Variants in PRKN observed in about 807,000 individuals in gnomAD.
The protein encoded by PRKN is E3 ubiquitin-protein ligase parkin.
Under a neutral mutation model 59.5 loss-of-function variants are expected in PRKN, and 56 were observed. That is an observed-to-expected ratio of 0.94 (90% confidence interval 0.76 to 1.18). The LOEUF (loss-of-function observed/expected upper bound fraction) is 1.18, where lower values mean the gene tolerates loss of function less well. PRKN is among the 50% of genes most tolerant of loss of function. The pLI is 0.00. For synonymous variants in PRKN, 250 were observed against 222.1 expected (o/e 1.13, Z -1.12); for missense variants, 657 against 596.4 (o/e 1.10, Z -1.06).
chr6:162,248,475 AGGCCTGGGGTT>A (rs1779291117), intron 3 of PRKN, among the ~76,000 whole-genome samples: 6 of 152,136 alleles, frequency 3.9e-5, no homozygotes, highest in African/African-American at 1.2e-4. Context: ...TATAAACCAC[AGGCCTGGGGTT>A]GTATCTTCAG....
chr6:161,897,793 C>G (rs978508642), intron 6 of PRKN, among the ~76,000 whole-genome samples: 2 of 141,552 alleles, frequency 1.4e-5, no homozygotes, highest in African/African-American at 2.9e-5. Context: ...CAAGGTGAAA[C>G]CCCGTCTCTA....
intron 5 of PRKN, among the ~76,000 whole-genome samples, chr6:162,021,546 T>G (rs953814679): frequency 2.0e-5 from 3 of 151,306 alleles, no homozygotes; most frequent in Non-Finnish European, 4.4e-5. Flanking sequence ...CCTTCCTCCG[T>G]GACTAAAATA....
intron 1 of PRKN, among the ~76,000 whole-genome samples, chr6:162,651,009 G>T (rs1258098233): frequency 1.3e-5 from 2 of 152,132 alleles, no homozygotes; most frequent in African/African-American, 4.8e-5. Flanking sequence ...GGAGAGGAAA[G>T]ATAAGAAACA....
chr6:162,555,445 G>T (rs975353640), intron 1 of PRKN, among the ~76,000 whole-genome samples: 1 of 152,026 alleles, frequency 6.6e-6, no homozygotes, highest in African/African-American at 2.4e-5. Context: ...AATCCATTGG[G>T]TAAAGAAAAA....
intron 6 of PRKN, among the ~76,000 whole-genome samples, chr6:161,871,050 G>A (rs879448484): frequency 3.4e-4 from 51 of 150,738 alleles, no homozygotes; most frequent in Non-Finnish European, 4.9e-4. Flanking sequence ...GGAGGAGGAT[G>A]AGGAGAGAGA....
At chr6:162,583,632 T>C (rs1780878647) in intron 1 of PRKN, among the ~76,000 whole-genome samples, 1 of 152,224 alleles carries the variant, frequency 6.6e-6, no homozygotes, top group South Asian at 2.1e-4. Flanking sequence ...AGCATCTCTC[T>C]GTTTATGCTT....
intron 2 of PRKN, among the ~76,000 whole-genome samples, chr6:162,378,038 C>A (rs893432941): frequency 1.6e-4 from 25 of 152,146 alleles, no homozygotes; most frequent in African/African-American, 6.0e-4. Context: ...CATTCCCTTT[C>A]TCGTCGGGAT....
intron 4 of PRKN, among the ~76,000 whole-genome samples, chr6:162,099,911 C>T (rs1779895380): frequency 1.3e-5 from 2 of 152,214 alleles, no homozygotes; most frequent in African/African-American, 4.8e-5. Context: ...CTGTGACCAA[C>T]ACCTCCCCGC....
rs188971225 is a variant in PRKN at position 162,363,115 on chromosome 6, G to A, written c.171+80195C>T. ...TGCACTCCAGCCTGGGTGACAGAGC[G>A]AGACTCCTTCTCAAACAAAAAAAAA... is the stretch of plus-strand genomic sequence containing the variant. On this transcript the variant is annotated intron_variant, in intron 2 of 11. Coordinates refer to ENST00000366898, the MANE Select transcript of PRKN (RefSeq NM_004562.3). 3.8e-3 allele frequency among the ~76,000 whole-genome samples: 501 copies of A among 133,084 alleles called. 4 individuals are homozygous for A. The highest frequency in any genetic ancestry group is 0.013 in the African/African-American group (461 of 35,062). The allele number at this position is 133,084 out of a possible 152,430, so 87.3% of individuals were successfully genotyped here.
At position 161,360,795 on chromosome 6, in the gene PRKN, G is replaced by C. The variant is rs1018714285; in HGVS notation, c.1168-590C>G. On this transcript the variant is annotated intron_variant, in intron 10 of 11. Coordinates refer to ENST00000366898, the MANE Select transcript of PRKN (RefSeq NM_004562.3). This position sits in a 1 kb window ranked among gnomAD's most constrained non-coding sequence, Gnocchi z 5.1. ...TGTGCCAGAGAGGGCAGTGGGAGCTGTGAGTGAAGACTGTGGCCCTGGAAC... is the reference window on the plus strand; with the variant it reads ...TGTGCCAGAGAGGGCAGTGGGAGCTCTGAGTGAAGACTGTGGCCCTGGAAC... Among the ~76,000 whole-genome samples, 13 of 152,210 alleles carry C rather than the reference G, an allele frequency of 8.5e-5. No individual in the cohort carries two copies.
chr6:161,704,025 T>C (rs1184933447), intron 7 of PRKN, among the ~76,000 whole-genome samples: 1 of 151,804 alleles, frequency 6.6e-6, no homozygotes, highest in Non-Finnish European at 1.5e-5. Flanking sequence ...CTGGCTAATT[T>C]TTGTGTTTTT....
At position 161,459,364 on chromosome 6, in the gene PRKN, T is replaced by A. The variant is rs1168618746; in HGVS notation, c.1084-72487A>T. On this transcript the variant is annotated intron_variant, in intron 9 of 11. Transcript: ENST00000366898. This position sits in a 1 kb window ranked among gnomAD's most constrained non-coding sequence, Gnocchi z 4.8. Reference sequence around the variant, plus strand: ...ATTAATTCCAGAATATGGTGTGAATTAAGTAATTCATTTGGTTTTAGTTTA... The same window carrying A: ...ATTAATTCCAGAATATGGTGTGAATAAAGTAATTCATTTGGTTTTAGTTTA... 6.6e-6 allele frequency among the ~76,000 whole-genome samples: 1 copy of A among 152,240 alleles called. No homozygotes were observed. The highest frequency in any genetic ancestry group is 2.4e-5 in the African/African-American group (1 of 41,462).
intron 7 of PRKN, among the ~76,000 whole-genome samples, chr6:161,600,913 G>GA (rs1479571350): frequency 2.6e-5 from 4 of 151,964 alleles, no homozygotes; most frequent in Admixed American, 2.0e-4. Context: ...AACTCCTAGG[G>GA]AAAAAAATAA....
chr6:161,913,840 A>G (rs1437585739), intron 6 of PRKN, among the ~76,000 whole-genome samples: 1 of 152,214 alleles, frequency 6.6e-6, no homozygotes, highest in East Asian at 1.9e-4. Context: ...TCATGAAAGC[A>G]GAGAACCCTT....
intron 4 of PRKN, among the ~76,000 whole-genome samples, chr6:162,124,998 C>A (rs1203570767): frequency 6.6e-6 from 1 of 152,096 alleles, no homozygotes; most frequent in Non-Finnish European, 1.5e-5. Flanking sequence ...TCAGTGGTGC[C>A]AAATGCTTGC....
chr6:161,821,719 C>CTTTTTTTTTTTTTT lies in PRKN; in HGVS notation c.735-35825_735-35812dup, dbSNP rs531807176. On this transcript the variant is annotated intron_variant, in intron 6 of 11. Coordinates refer to ENST00000366898, the MANE Select transcript of PRKN (RefSeq NM_004562.3). ...TTTGGAAAATATTTCCACTGGTGTT[C>CTTTTTTTTTTTTTT]TTTTTTTTTTTTTTTTTTTTTTTTT... Among the ~76,000 whole-genome samples, 21 of 64,704 alleles carry CTTTTTTTTTTTTTT rather than the reference C, an allele frequency of 3.2e-4. 2 individuals are homozygous for CTTTTTTTTTTTTTT. Among genetic ancestry groups the CTTTTTTTTTTTTTT allele is most frequent in the Admixed American group, 1.3e-3 (5 of 3,858 alleles). The allele number at this position is 64,704 out of a possible 152,430, so 42.4% of individuals were successfully genotyped here. A position where few individuals can be genotyped will look rare whatever the true frequency, so the allele number is the denominator to read the frequency against.
At chr6:162,647,502 G>A (rs530281382) in intron 1 of PRKN, among the ~76,000 whole-genome samples, 2 of 152,160 alleles carry the variant, frequency 1.3e-5, no homozygotes, top group South Asian at 4.1e-4. Context: ...GGTCTTAACA[G>A]CCTTAAAAAT....
At chr6:162,674,114 T>G (rs986382443) in intron 1 of PRKN, among the ~76,000 whole-genome samples, 17 of 152,206 alleles carry the variant, frequency 1.1e-4, no homozygotes, top group Non-Finnish European at 1.5e-5. Context: ...TCTGTTATAT[T>G]CATCATTACA....
chr6:161,969,555 G>A (rs1378732407), intron 6 of PRKN, among the ~76,000 whole-genome samples: 1 of 152,018 alleles, frequency 6.6e-6, no homozygotes. Context: ...TAGTGAGGGC[G>A]TTGGCATAAC....
Sources: allele counts gnomAD v4.1 joint callset (sites outside exome capture counted in the v4.1 genomes callset), GRCh38; gene constraint gnomAD v4.1.1; non-coding constraint Gnocchi (gnomAD v3.1); transcripts MANE v1.5; gene names NCBI Gene and HGNC (gene_info 2026-07-23, HGNC 2026-07-21).